The following SUGCT variants were observed in gnomAD, a reference collection of about 807,000 sequenced individuals.
SUGCT encodes succinyl-CoA:glutarate-CoA transferase, also known as succinyl-CoA:glutarate CoA-transferase.
A neutral mutation model predicts 55.0 loss-of-function variants in SUGCT; 41 were observed. The observed-to-expected ratio is 0.74, with a 90% CI of 0.58 to 0.97. SUGCT has a LOEUF of 0.97. SUGCT is among the 50% of genes least tolerant of loss of function. The probability of loss-of-function intolerance (pLI) is 0.00; values close to 1 mark genes in which losing one functional copy is unlikely to be tolerated. For synonymous variants in SUGCT, 187 were observed against 200.4 expected, an observed-to-expected ratio of 0.93 and a Z score of 0.56; for missense variants, 568 against 547.8, an observed-to-expected ratio of 1.04 and a Z score of -0.37.
At chr7:40,173,919 G>C (rs1584253959) in intron 1 of SUGCT, among the ~76,000 whole-genome samples, 2 of 141,772 alleles carry the variant, frequency 1.4e-5, no homozygotes, top group Non-Finnish European at 3.1e-5. Context: ...TATCCTGTGT[G>C]TGTGTGTGTG....
At chr7:40,497,897 C>T (rs1283779625) in intron 12 of SUGCT, among the ~76,000 whole-genome samples, 4 of 151,732 alleles carry the variant, frequency 2.6e-5, no homozygotes, top group African/African-American at 7.3e-5. Flanking sequence ...TCTAACACTA[C>T]CTATTTTTTA....
At chr7:40,765,225 T>C (rs1788724469) in intron 13 of SUGCT, among the ~76,000 whole-genome samples, 1 of 152,166 alleles carries the variant, frequency 6.6e-6, no homozygotes, top group South Asian at 2.1e-4. Flanking sequence ...CAAACAACTG[T>C]CATGTAAATA....
At chr7:40,316,959 T>G in intron 9 of SUGCT, 104 bp downstream of exon 9, 2 of 512,354 alleles carry the variant, frequency 3.9e-6, no homozygotes, top group Non-Finnish European at 3.4e-6. Flanking sequence ...TCAGCTGTTT[T>G]TTTTTTTTTT....
At chr7:40,249,556 G>A (rs1240488632) in intron 7 of SUGCT, among the ~76,000 whole-genome samples, 1 of 150,852 alleles carries the variant, frequency 6.6e-6, no homozygotes, top group East Asian at 1.9e-4. Context: ...CTTATTTTAT[G>A]ACTTAGAATA....
At chr7:40,367,179 A>G (rs1228185649) in intron 9 of SUGCT, among the ~76,000 whole-genome samples, 1 of 147,282 alleles carries the variant, frequency 6.8e-6, no homozygotes, top group African/African-American at 2.5e-5. Context: ...AAAACCAAAC[A>G]TCGTATGTTC....
intron 13 of SUGCT, among the ~76,000 whole-genome samples, chr7:40,823,889 T>C (rs1792162750): frequency 6.6e-6 from 1 of 152,178 alleles, no homozygotes; most frequent in Admixed American, 6.6e-5. Context: ...TAAGGCCATT[T>C]GTCTCCTGGT....
chr7:40,639,575 C>T (rs1011516751), intron 12 of SUGCT, among the ~76,000 whole-genome samples: 21 of 146,262 alleles, frequency 1.4e-4, no homozygotes, highest in African/African-American at 5.1e-4. Context: ...AGTGCAGTGG[C>T]GCGATCTTGG....
At chr7:40,827,442 G>C (rs1198129793) in intron 13 of SUGCT, among the ~76,000 whole-genome samples, 1 of 152,098 alleles carries the variant, frequency 6.6e-6, no homozygotes, top group Non-Finnish European at 1.5e-5. Context: ...CAGAAGCAAG[G>C]GACAAACAGA....
chr7:40,778,073 C>T (rs1789553203), intron 13 of SUGCT, among the ~76,000 whole-genome samples: 1 of 152,224 alleles, frequency 6.6e-6, no homozygotes, highest in Non-Finnish European at 1.5e-5. Flanking sequence ...TGCCAGTTCT[C>T]AATTCCACAG....
intron 12 of SUGCT, among the ~76,000 whole-genome samples, chr7:40,661,063 A>G (rs922043638): frequency 1.5e-4 from 23 of 152,184 alleles, no homozygotes; most frequent in Non-Finnish European, 1.8e-4. Flanking sequence ...ACTCGTTACA[A>G]ATTTACAACC....
At chr7:40,189,414 CT>C (rs1785755170) in intron 4 of SUGCT, 129 bp from the exon 5 acceptor site, 1 of 74,702 alleles carries the variant, frequency 1.3e-5, no homozygotes. Context: ...TTTTTTTTTA[CT>C]TTTTATTTTA....
chr7:40,749,147 A>G (rs1787881395), intron 12 of SUGCT, among the ~76,000 whole-genome samples: 1 of 152,178 alleles, frequency 6.6e-6, no homozygotes, highest in South Asian at 2.1e-4. Context: ...AAGAGAGGAA[A>G]TCATCTGCTA....
rs145873706 is a variant in SUGCT at position 40,530,810 on chromosome 7, G to T, written c.1089+34424G>T. The stretch of plus-strand genomic sequence containing the variant: ...TATATCACAGACAACTAAGCCCAAT[G>T]CTTTGTGTATAACATGCATTCATTT... On this transcript the variant is annotated intron_variant, in intron 12 of 13. Coordinates refer to ENST00000335693, the MANE Select transcript of SUGCT (RefSeq NM_001193313.2). Among the ~76,000 whole-genome samples the T allele has an allele frequency of 2.8e-3, 428 of 152,252 alleles. 1 individual carries two copies. The highest frequency in any genetic ancestry group is 9.3e-3 in the African/African-American group (387 of 41,552).
At chr7:40,645,913 CTCA>C (rs1176464538) in intron 12 of SUGCT, among the ~76,000 whole-genome samples, 1 of 152,168 alleles carries the variant, frequency 6.6e-6, no homozygotes, top group Non-Finnish European at 1.5e-5. Flanking sequence ...GACCCCATGT[CTCA>C]GTTCCAGACA....
intron 9 of SUGCT, among the ~76,000 whole-genome samples, chr7:40,360,013 T>G (rs1318601253): frequency 6.6e-6 from 1 of 152,106 alleles, no homozygotes; most frequent in East Asian, 1.9e-4. Flanking sequence ...TGTGCATGTG[T>G]GTGCAAGATT....
At chr7:40,854,798 T>C (rs1794085188) in intron 13 of SUGCT, among the ~76,000 whole-genome samples, 1 of 151,868 alleles carries the variant, frequency 6.6e-6, no homozygotes. Flanking sequence ...TAGCCTGCTG[T>C]GGTGGTACAC....
intron 13 of SUGCT, among the ~76,000 whole-genome samples, chr7:40,823,895 C>T (rs1347920517): frequency 1.3e-5 from 2 of 152,094 alleles, no homozygotes; most frequent in Non-Finnish European, 2.9e-5. Context: ...CATTTGTCTC[C>T]TGGTTTTAAT....
chr7:40,233,763 A>T (rs1788853679), intron 6 of SUGCT, among the ~76,000 whole-genome samples: 1 of 152,174 alleles, frequency 6.6e-6, no homozygotes, highest in South Asian at 2.1e-4. Context: ...CTTGATATAA[A>T]ATTCATTTTG....
intron 9 of SUGCT, among the ~76,000 whole-genome samples, chr7:40,322,795 AAAG>A (rs1400422820): frequency 2.0e-5 from 3 of 151,936 alleles, no homozygotes; most frequent in Non-Finnish European, 4.4e-5. Context: ...CTCAAATAAA[AAAG>A]AAGAAGAAAC....
Sources: gnomAD v4.1 joint callset for allele counts (sites outside exome capture counted in the v4.1 genomes callset) on GRCh38, gnomAD v4.1.1 for gene constraint, MANE v1.5 for transcripts, NCBI Gene and HGNC (gene_info 2026-07-23, HGNC 2026-07-21) for gene names.